The following SLC17A2 variants were observed in gnomAD, a reference collection of about 807,000 sequenced individuals.
The protein encoded by SLC17A2 is solute carrier family 17 member 2, also known as sodium-dependent phosphate transport protein 3.
SLC17A2 carries 38 observed loss-of-function variants against 52.1 expected under a neutral mutation model. The ratio of observed to expected loss-of-function variants is 0.73; its 90% confidence interval spans 0.56 to 0.96. The LOEUF is 0.96. SLC17A2 is among the 40% of genes least tolerant of loss of function. SLC17A2 has a pLI of 0.00. For synonymous variants in SLC17A2, 226 were observed against 211.9 expected (o/e 1.07, Z -0.58); for missense variants, 508 against 583.9 (o/e 0.87, Z 1.34).
intron 5 of SLC17A2, among the ~76,000 whole-genome samples, chr6:25,920,471 T>A (rs1472171411): frequency 6.6e-6 from 1 of 152,238 alleles, no homozygotes; most frequent in Non-Finnish European, 1.5e-5. Flanking sequence ...AATCTCCACC[T>A]TCCTTAACTC....
In SLC17A2 at chr6:25,915,149, G is replaced by GTGTATATA. The variant is rs749697702; in HGVS notation, c.1211+349_1211+350insTATATACA. 4.1e-3 allele frequency among the ~76,000 whole-genome samples: 236 copies of GTGTATATA among 57,910 alleles called. 7 individuals carry two copies. Among genetic ancestry groups the GTGTATATA allele is most frequent in the Non-Finnish European group, 5.6e-3 (139 of 24,610 alleles). 38.0% of individuals were successfully genotyped at this position (57,910 alleles called of 152,430 possible). ...GCACAGGAGCTGGCTTATTGTGACTGTATATATATATATATATATATATAT... is the reference window on the plus strand; with the variant it reads ...GCACAGGAGCTGGCTTATTGTGACTGTGTATATATATATATATATATATATATATATAT... On this transcript the variant is annotated intron_variant, in intron 10 of 11. Transcript: ENST00000377850.
In SLC17A2 at chr6:25,913,284, C is replaced by T. The variant is rs138767955; in HGVS notation, c.*33G>A. The T allele has an allele frequency of 1.9e-6, 3 of 1,612,708 alleles. No individual in the cohort carries two copies. The highest frequency in any genetic ancestry group is 1.3e-5 in the African/African-American group (1 of 75,018). ...AAAAAATGTTTAAAAAGTTCATGCT[C>T]AGTACCACATTTAAGTTTGTAACTT... is the stretch of plus-strand genomic sequence containing the variant. On this transcript the variant is annotated 3_prime_UTR_variant, in exon 12 of 12. Transcript: ENST00000377850.
At chr6:25,918,362 AT>A in intron 6 of SLC17A2, 124 bp downstream of exon 6, 1 of 664,852 alleles carries the variant, frequency 1.5e-6, no homozygotes, top group Non-Finnish European at 2.7e-6. Flanking sequence ...AACCGTTGAC[AT>A]TTTTTATCAT....
intron 11 of SLC17A2, 53 bp from the exon 12 acceptor site, chr6:25,913,504 A>T: frequency 6.4e-7 from 1 of 1,554,692 alleles, no homozygotes; most frequent in Non-Finnish European, 8.8e-7. Flanking sequence ...CTTCTACACC[A>T]GTTCTAGTAG....
rs942808570 is a variant in SLC17A2, at chr6:25,921,085, T to G, written c.483A>C (p.Ala161=). 2 of 1,614,060 alleles carry G rather than the reference T, an allele frequency of 1.2e-6. No homozygotes were observed. Among genetic ancestry groups the G allele is most frequent in the African/African-American group, 2.7e-5 (2 of 74,922 alleles). ...RTVQGMAQGM[A]WTGQFTIWAK... ...CCCAAATAGTAAACTGACCTGTCCA[T>G]GCCATTCCCTGAAATGAAAATCATT... is the stretch of plus-strand genomic sequence containing the variant. The change falls in exon 5 of 12, where the codon GCA becomes GCC. Residue 161 remains alanine (A), a synonymous_variant. Coordinates refer to ENST00000377850, the MANE Select transcript of SLC17A2 (RefSeq NM_001286123.3).
intron 2 of SLC17A2, among the ~76,000 whole-genome samples, chr6:25,924,571 G>A (rs966304579): frequency 3.9e-5 from 6 of 151,960 alleles, no homozygotes; most frequent in African/African-American, 1.5e-4. Flanking sequence ...CATTTTGGGA[G>A]GCTAAGGCAG....
chr6:25,928,145 A>G (rs187033663), intron 1 of SLC17A2, among the ~76,000 whole-genome samples: 192 of 152,138 alleles, frequency 1.3e-3, no homozygotes, highest in African/African-American at 3.6e-3. Flanking sequence ...GAAAATTTGA[A>G]AAGTTGCCTG....
chr6:25,917,226 ATTCT>A (rs1225249050), intron 6 of SLC17A2, 139 bp from the exon 7 acceptor site: 15 of 672,010 alleles, frequency 2.2e-5, no homozygotes, highest in South Asian at 5.3e-5. Context: ...AAATGTTCCC[ATTCT>A]TTCTTTCAAT....
rs1350629763 is a variant in SLC17A2, at chr6:25,913,220, A to G, written c.*97T>C. The G allele has an allele frequency of 4.5e-6, 6 of 1,333,410 alleles. No individual in the cohort carries two copies. Among genetic ancestry groups the G allele is most frequent in the Non-Finnish European group, 5.4e-6 (5 of 931,294 alleles). 82.6% of individuals were successfully genotyped at this position (1,333,410 alleles called of 1,614,324 possible). Reference sequence around the variant, plus strand: ...GAAGACTAACACACAGCCAGAGTTAAGAACTGCTGAGTCTATGGTCAGGAA... The same window carrying G: ...GAAGACTAACACACAGCCAGAGTTAGGAACTGCTGAGTCTATGGTCAGGAA... On this transcript the variant is annotated 3_prime_UTR_variant, in exon 12 of 12. Transcript: ENST00000377850.
intron 1 of SLC17A2, 121 bp downstream of exon 1, chr6:25,930,156 T>C (rs1581580269): frequency 6.6e-6 from 1 of 152,250 alleles, no homozygotes; most frequent in African/African-American, 2.4e-5. Context: ...CAAATTCATA[T>C]AGAAGTCTGA....
At chr6:25,921,662 A>C (rs1561879687) in intron 3 of SLC17A2, among the ~76,000 whole-genome samples, 1 of 152,354 alleles carries the variant, frequency 6.6e-6, no homozygotes, top group East Asian at 1.9e-4. Flanking sequence ...AATAGGAAGA[A>C]GTAAATGGAA....
At chr6:25,913,587 G>T in intron 11 of SLC17A2, 136 bp from the exon 12 acceptor site, 1 of 813,756 alleles carries the variant, frequency 1.2e-6, no homozygotes, top group South Asian at 2.2e-5. Flanking sequence ...ACTTAAGAAA[G>T]TTTATGAAAC....
At position 25,915,499 on chromosome 6, in the gene SLC17A2, C is replaced by T. The variant is rs1420957286; in HGVS notation, c.1211G>A (p.Arg404Lys). 6.5e-7 allele frequency: 1 copy of T among 1,549,762 alleles called. No homozygotes were observed. Among genetic ancestry groups the T allele is most frequent in the South Asian group, 1.2e-5 (1 of 83,984 alleles). ...FIINTLDIAP[R>K]YASFLMGISR... ...GGGAAAAAACAGGTAGAGCTCTTACCTGGGGGCGATATCTAAGGTGTTGAT... is the reference window on the plus strand; with the variant it reads ...GGGAAAAAACAGGTAGAGCTCTTACTTGGGGGCGATATCTAAGGTGTTGAT... Residue 404 changes from arginine to lysine, a missense_variant and splice_region_variant, in exon 10 of 12, where the codon AGA becomes AAA. Arg to Lys is a conservative substitution (Grantham distance 26, BLOSUM62 2). Transcript: ENST00000377850.
intron 3 of SLC17A2, among the ~76,000 whole-genome samples, chr6:25,922,128 A>G (rs1387749027): frequency 1.3e-5 from 2 of 151,846 alleles, no homozygotes; most frequent in East Asian, 3.8e-4. Context: ...GTAGAGAGCC[A>G]AAGAATATAA....
chr6:25,919,548 A>C (rs79771120), intron 5 of SLC17A2, among the ~76,000 whole-genome samples: 26,977 of 151,182 alleles, frequency 0.18, 2,993 homozygotes, highest in South Asian at 0.25. Context: ...AAAATACAAA[A>C]AATTAGCCGG....
At chr6:25,916,885 G>A (rs780148571) in intron 7 of SLC17A2, 39 bp from the exon 8 acceptor site, 3 of 1,611,168 alleles carry the variant, frequency 1.9e-6, no homozygotes, top group Non-Finnish European at 2.5e-6. Context: ...TATTAGAGCA[G>A]CCAAGATGGT....
intron 1 of SLC17A2, among the ~76,000 whole-genome samples, chr6:25,927,923 T>C (rs1766821057): frequency 6.6e-6 from 1 of 152,118 alleles, no homozygotes; most frequent in Admixed American, 6.6e-5. Context: ...AAACCCAGAG[T>C]TTGGACCATT....
At chr6:25,915,111 A>G (rs570548164) in intron 10 of SLC17A2, among the ~76,000 whole-genome samples, 8 of 140,778 alleles carry the variant, frequency 5.7e-5, no homozygotes, top group African/African-American at 2.1e-4. Flanking sequence ...GTGTTGATAT[A>G]TGGCAAGTCT....
intron 3 of SLC17A2, among the ~76,000 whole-genome samples, chr6:25,922,356 C>T (rs995323477): frequency 1.1e-4 from 16 of 152,114 alleles, no homozygotes; most frequent in South Asian, 2.1e-4. Flanking sequence ...TTTATCTCAT[C>T]GGAAAAAATA....
Sources: gnomAD v4.1 joint callset for allele counts (sites outside exome capture counted in the v4.1 genomes callset) on GRCh38, gnomAD v4.1.1 for gene constraint, MANE v1.5 for transcripts, NCBI Gene and HGNC (gene_info 2026-07-23, HGNC 2026-07-21) for gene names.